SLC2A5: variants seen among roughly 807,000 people sequenced by gnomAD.
SLC2A5 encodes the protein solute carrier family 2 member 5.
SLC2A5 carries 56 observed loss-of-function variants against 50.3 expected under a neutral mutation model. The ratio of observed to expected loss-of-function variants is 1.11; its 90% CI spans 0.90 to 1.39. The LOEUF (loss-of-function observed/expected upper bound fraction) is 1.39, where lower values mean the gene tolerates loss of function less well. Ranked by LOEUF, SLC2A5 falls within the 40% of genes most tolerant of loss-of-function variation. The pLI is 0.00. For synonymous variants in SLC2A5, 269 were observed against 281.9 expected (o/e 0.95, Z 0.46); for missense variants, 566 against 650.1 (o/e 0.87, Z 1.41).
At chr1:9,070,724 T>C (rs76836973), upstream of SLC2A5, among the ~76,000 whole-genome samples, 1,718 of 152,276 alleles carry the variant, frequency 0.011, 30 homozygotes, top group African/African-American at 0.039. Flanking sequence ...CTCATGCATC[T>C]TTAAACAAGC....
rs1641545815 is a variant in SLC2A5, at chr1:9,050,604, ATAAAAC to A, written c.294-2876_294-2871del. Among the ~76,000 whole-genome samples, 19 of 152,298 alleles carry A rather than the reference ATAAAAC, an allele frequency of 1.2e-4. No homozygotes were observed. The South Asian group carries it at 3.9e-3, about 32-fold the overall frequency. On this transcript the variant is annotated intron_variant, in intron 3 of 11. Transcript: ENST00000377424. The stretch of plus-strand genomic sequence containing the variant: ...AGACCTAAATATAAAATGCAAAACT[ATAAAAC>A]TCCTAGAAGATAGCTTAGGAAAAAA...
chr1:9,079,101 C>T (rs942929006), intron 2 of SLC2A5, among the ~76,000 whole-genome samples: 1 of 152,116 alleles, frequency 6.6e-6, no homozygotes, highest in African/African-American at 2.4e-5. Context: ...ACCTGGCCGC[C>T]GGAACCCAAG....
chr1:9,058,024 C>T (rs375552898), intron 2 of SLC2A5, 128 bp downstream of exon 2: 14 of 687,280 alleles, frequency 2.0e-5, no homozygotes, highest in East Asian at 2.7e-5. Flanking sequence ...GTGCTGTGTC[C>T]GGAGGGTGTT....
chr1:9,064,002 A>AT (rs1165748214), intron 1 of SLC2A5, among the ~76,000 whole-genome samples: 1 of 151,212 alleles, frequency 6.6e-6, no homozygotes. Flanking sequence ...GCCTATTTAC[A>AT]TTTTTTATAG....
Position 9,037,263 on chromosome 1 carries a change from A to C in SLC2A5, c.*323T>G, listed in dbSNP as rs1399769575. ...TAGTAACTGTTGTTGTTATGTTACC[A>C]GGAGCCACACAAAGGTTGACCCATC... On this transcript the variant is annotated 3_prime_UTR_variant, in exon 12 of 12. Transcript: ENST00000377424. The C allele has an allele frequency of 3.0e-5, 10 of 331,318 alleles. No homozygotes were observed. In the East Asian group the frequency reaches 7.0e-4, roughly 23 times the overall value. 20.5% of individuals were successfully genotyped at this position (331,318 alleles called of 1,614,324 possible).
At chr1:9,090,340 C>A (rs2124492676), upstream of SLC2A5, among the ~76,000 whole-genome samples, 2 of 152,312 alleles carry the variant, frequency 1.3e-5, no homozygotes, top group East Asian at 3.9e-4. Context: ...ATTCTCCAAT[C>A]CAAATTTCAC....
At chr1:9,067,446 G>C (rs758846734) in intron 1 of SLC2A5, among the ~76,000 whole-genome samples, 7 of 152,346 alleles carry the variant, frequency 4.6e-5, no homozygotes, top group Non-Finnish European at 8.8e-5. Context: ...CTGCCACGTG[G>C]GGGTGTTTCC....
intron 3 of SLC2A5, among the ~76,000 whole-genome samples, chr1:9,056,912 G>A (rs1462473531): frequency 6.6e-6 from 1 of 152,114 alleles, no homozygotes; most frequent in Non-Finnish European, 1.5e-5. Context: ...TAGATCCCTG[G>A]CCACCCCTGC....
chr1:9,053,074 TA>T (rs1480376849), intron 3 of SLC2A5, among the ~76,000 whole-genome samples: 3 of 110,394 alleles, frequency 2.7e-5, no homozygotes, highest in African/African-American at 8.3e-5. Flanking sequence ...ATTATATATT[TA>T]TATATTAATA....
At chr1:9,086,387 C>CTTTTT (rs34593630) in intron 1 of SLC2A5, among the ~76,000 whole-genome samples, 9 of 140,546 alleles carry the variant, frequency 6.4e-5, no homozygotes, top group African/African-American at 1.6e-4. Context: ...TTTTCTCTCT[C>CTTTTT]TTTTTTTTTT....
chr1:9,062,227 A>T (rs116253901), intron 1 of SLC2A5, among the ~76,000 whole-genome samples: 1,871 of 152,334 alleles, frequency 0.012, 36 homozygotes, highest in African/African-American at 0.043. Flanking sequence ...AAAGACACAC[A>T]TTAAGAAACT....
intron 3 of SLC2A5, among the ~76,000 whole-genome samples, 152 bp downstream of exon 3, chr1:9,057,292 TAAAA>T (rs760221358): frequency 4.7e-4 from 49 of 103,434 alleles, no homozygotes; most frequent in Admixed American, 3.2e-3. Flanking sequence ...TCTCAAAAAT[TAAAA>T]AAAAAAAAAA....
chr1:9,038,309 G>A (rs565634806), intron 10 of SLC2A5, 122 bp downstream of exon 10: 7 of 775,070 alleles, frequency 9.0e-6, no homozygotes, highest in Non-Finnish European at 1.3e-5. Flanking sequence ...TGCGGTGGAC[G>A]GGGGAAGAGA....
intron 3 of SLC2A5, among the ~76,000 whole-genome samples, chr1:9,051,214 G>GA (rs1034663721): frequency 1.4e-5 from 2 of 144,514 alleles, no homozygotes; most frequent in Admixed American, 1.4e-4. Flanking sequence ...AGGAAGGAGG[G>GA]AAAAAAAGAA....
chr1:9,039,671 C>G lies in SLC2A5; in HGVS notation c.886-9G>C, dbSNP rs576402186. On this transcript the variant is annotated splice_polypyrimidine_tract_variant and intron_variant, in intron 7 of 11. Coordinates refer to ENST00000377424, the MANE Select transcript of SLC2A5 (RefSeq NM_003039.3). Reference sequence around the variant, plus strand: ...TCCGCGTAGTAGTAGATCTGCAAGGCAAGCGCGGGGCTGGGCGGCTGCCCG... The same window carrying G: ...TCCGCGTAGTAGTAGATCTGCAAGGGAAGCGCGGGGCTGGGCGGCTGCCCG... 10 of 1,527,670 alleles carry G rather than the reference C, an allele frequency of 6.5e-6. No homozygotes were observed. In the African/African-American group the frequency reaches 1.3e-4, roughly 19 times the overall value. The allele number at this position is 1,527,670 out of a possible 1,614,324, so 94.6% of individuals were successfully genotyped here.
At position 9,066,423 on chromosome 1, in the gene SLC2A5, C is replaced by T. The variant is rs72632936; in HGVS notation, c.33+3081G>A. On this transcript the variant is annotated intron_variant, in intron 1 of 11. Coordinates refer to ENST00000377424, the MANE Select transcript of SLC2A5 (RefSeq NM_003039.3). ...CTAATTTTTGTACACTTTGTAGAGA[C>T]CAAGTTTCGCCATGTTGCCCAGGCT... 2.4e-3 allele frequency among the ~76,000 whole-genome samples: 358 copies of T among 152,148 alleles called. 1 individual carries two copies. Among genetic ancestry groups the T allele is most frequent in the Middle Eastern group, 0.014 (4 of 294 alleles).
chr1:9,060,152 T>TACATACTACACACACC (rs1557676068), intron 1 of SLC2A5, among the ~76,000 whole-genome samples: 11 of 122,084 alleles, frequency 9.0e-5, no homozygotes, highest in Middle Eastern at 7.0e-3. Flanking sequence ...ACATACACAC[T>TACATACTACACACACC]ACACACACTA....
intron 3 of SLC2A5, among the ~76,000 whole-genome samples, chr1:9,048,850 T>C (rs1641501412): frequency 6.6e-6 from 1 of 151,768 alleles, no homozygotes; most frequent in African/African-American, 2.4e-5. Flanking sequence ...AGAGATGGAG[T>C]TTCCCCATGT....
intron 2 of SLC2A5, 96 bp downstream of exon 2, chr1:9,058,056 A>G (rs1308757958): frequency 2.4e-6 from 2 of 843,766 alleles, no homozygotes; most frequent in African/African-American, 3.3e-5. Context: ...TTGCTTCAGG[A>G]CCCACTGCGT....
Sources: allele counts gnomAD v4.1 joint callset (sites outside exome capture counted in the v4.1 genomes callset), GRCh38; gene constraint gnomAD v4.1.1; transcripts MANE v1.5; gene names NCBI Gene and HGNC (gene_info 2026-07-23, HGNC 2026-07-21).